Variants in PRMT3 observed in about 807,000 individuals in gnomAD.
PRMT3 encodes protein arginine N-methyltransferase 3.
In PRMT3, 62 loss-of-function variants were observed where a neutral mutation model predicts 71.9. The observed-to-expected ratio is 0.86, with a 90% CI of 0.70 to 1.07. The LOEUF (loss-of-function observed/expected upper bound fraction) is 1.07, where lower values mean the gene tolerates loss of function less well. Ranked by LOEUF, PRMT3 falls within the 50% of genes least tolerant of loss-of-function variation. The pLI, the probability that PRMT3 is intolerant of heterozygous loss-of-function variation, is 0.00. For missense variants in PRMT3, 663 were observed against 643.0 expected (o/e 1.03, Z -0.34); for synonymous variants, 213 against 220.4 (o/e 0.97, Z 0.30).
intron 15 of PRMT3, among the ~76,000 whole-genome samples, chr11:20,502,384 G>T (rs970031103): frequency 6.6e-6 from 1 of 152,160 alleles, no homozygotes; most frequent in Non-Finnish European, 1.5e-5. Context: ...AAATGATTGT[G>T]TGTGCACCCT....
intron 3 of PRMT3, 31 bp downstream of exon 3, chr11:20,389,857 A>G (rs1848673876): frequency 3.2e-6 from 5 of 1,551,408 alleles, no homozygotes; most frequent in Non-Finnish European, 4.4e-6. Context: ...AGGCAATTTA[A>G]TTTGTGAAAT....
chr11:20,483,092 A>G (rs1469188107), intron 13 of PRMT3, among the ~76,000 whole-genome samples: 3 of 152,046 alleles, frequency 2.0e-5, no homozygotes, highest in Non-Finnish European at 4.4e-5. Flanking sequence ...CGTCTGTTAA[A>G]TCGTTGTTTC....
At chr11:20,404,846 C>T (rs1042136690) in intron 8 of PRMT3, among the ~76,000 whole-genome samples, 6 of 152,008 alleles carry the variant, frequency 3.9e-5, no homozygotes, top group African/African-American at 1.2e-4. Flanking sequence ...GGTTTTATTA[C>T]GGTGAGAGCA....
intron 8 of PRMT3, among the ~76,000 whole-genome samples, chr11:20,403,199 T>C (rs1009454062): frequency 6.6e-6 from 1 of 152,230 alleles, no homozygotes; most frequent in Admixed American, 6.5e-5. Flanking sequence ...TTGAAAGTTA[T>C]TACAATGGCG....
At chr11:20,421,152 C>T (rs559282956) in intron 9 of PRMT3, among the ~76,000 whole-genome samples, 7 of 152,276 alleles carry the variant, frequency 4.6e-5, no homozygotes, top group Non-Finnish European at 4.4e-5. Context: ...GATCCTCCTA[C>T]CTTGCTTCTC....
chr11:20,499,826 G>A (rs7394653), intron 15 of PRMT3, among the ~76,000 whole-genome samples: 140,459 of 152,186 alleles, frequency 0.92, 65,394 homozygotes, highest in Non-Finnish European at 0.99. Flanking sequence ...CCTCCAGGAA[G>A]CACACTTTAA....
Position 20,479,232 on chromosome 11 carries a change from G to T in PRMT3, c.1347+14686G>T, listed in dbSNP as rs183121325. On this transcript the variant is annotated intron_variant, in intron 13 of 15. Transcript: ENST00000331079. ...CCTGAACCTTTGTAGCTGGGCTTAG[G>T]TGGTGGTGCGAACATTTAAATCTCT... is the stretch of plus-strand genomic sequence containing the variant. Among the ~76,000 whole-genome samples, 241 of 152,284 alleles carry T rather than the reference G, an allele frequency of 1.6e-3. 1 individual carries two copies. Among genetic ancestry groups the T allele is most frequent in the Middle Eastern group, 6.8e-3 (2 of 294 alleles).
intron 10 of PRMT3, among the ~76,000 whole-genome samples, chr11:20,438,957 G>A (rs950113731): frequency 2.0e-5 from 3 of 152,150 alleles, no homozygotes; most frequent in Non-Finnish European, 2.9e-5. Flanking sequence ...TTGACCCTAC[G>A]TGTAAGGGTG....
In PRMT3 at chr11:20,508,611, C is replaced by T. The variant is rs914764869; in HGVS notation, c.*198C>T. 10 of 680,732 alleles carry T rather than the reference C, an allele frequency of 1.5e-5. No individual in the cohort carries two copies. The African/African-American group carries it at 1.6e-4, about 11-fold the overall frequency. 42.2% of individuals were successfully genotyped at this position (680,732 alleles called of 1,614,324 possible). On this transcript the variant is annotated 3_prime_UTR_variant, in exon 16 of 16. Coordinates refer to ENST00000331079, the MANE Select transcript of PRMT3 (RefSeq NM_005788.4). ...AAGAGAATCAGCTGATCCTCATGGT[C>T]TGCCACGTAATCATTTTCTTAGACG...
intron 15 of PRMT3, among the ~76,000 whole-genome samples, chr11:20,504,707 T>TGTGTGAGAGA (rs1332372470): frequency 1.8e-3 from 237 of 133,636 alleles, no homozygotes; most frequent in Non-Finnish European, 3.0e-3. Flanking sequence ...TGTGTGTGTG[T>TGTGTGAGAGA]GAGAGAGAGA....
chr11:20,479,716 A>G (rs1316640186), intron 13 of PRMT3, among the ~76,000 whole-genome samples: 2 of 152,188 alleles, frequency 1.3e-5, no homozygotes, highest in African/African-American at 4.8e-5. Flanking sequence ...CCTAAGAGTG[A>G]CGAGGCAAAA....
chr11:20,489,593 C>T (rs1393753020), intron 13 of PRMT3, among the ~76,000 whole-genome samples: 1 of 151,866 alleles, frequency 6.6e-6, no homozygotes. Flanking sequence ...AGCAAGGTGG[C>T]CAAACTGTAA....
chr11:20,461,337 C>G (rs1301542320), intron 11 of PRMT3, among the ~76,000 whole-genome samples: 1 of 152,134 alleles, frequency 6.6e-6, no homozygotes, highest in East Asian at 1.9e-4. Flanking sequence ...GCCATGAGCT[C>G]CCTTAGTACC....
intron 15 of PRMT3, among the ~76,000 whole-genome samples, chr11:20,503,931 A>G (rs750988847): frequency 6.6e-6 from 1 of 152,208 alleles, no homozygotes; most frequent in African/African-American, 2.4e-5. Context: ...TATGCTATCT[A>G]ACATCCCTAG....
intron 7 of PRMT3, among the ~76,000 whole-genome samples, chr11:20,402,206 G>A (rs1046972129): frequency 6.6e-5 from 10 of 151,792 alleles, no homozygotes; most frequent in Admixed American, 3.9e-4. Flanking sequence ...CGCAACCTCC[G>A]CCTCCCGGGT....
chr11:20,400,878 A>T (rs7480098), intron 7 of PRMT3, among the ~76,000 whole-genome samples: 137,756 of 152,066 alleles, frequency 0.91, 63,268 homozygotes, highest in Non-Finnish European at 0.99. Flanking sequence ...TTTATTGTTG[A>T]TTTGTATTGA....
At chr11:20,424,669 T>G (rs1349989241) in intron 9 of PRMT3, among the ~76,000 whole-genome samples, 1 of 152,198 alleles carries the variant, frequency 6.6e-6, no homozygotes, top group Non-Finnish European at 1.5e-5. Context: ...AAAAAAATGA[T>G]AAGTTGTTCT....
chr11:20,466,489 C>A (rs183816849), intron 13 of PRMT3, among the ~76,000 whole-genome samples: 17 of 152,270 alleles, frequency 1.1e-4, no homozygotes, highest in African/African-American at 2.6e-4. Context: ...GTTCTCCTTC[C>A]AAATCTTCAT....
At chr11:20,507,810 TA>T (rs1565245182) in intron 15 of PRMT3, among the ~76,000 whole-genome samples, 4 of 149,436 alleles carry the variant, frequency 2.7e-5, no homozygotes, top group African/African-American at 9.9e-5. Flanking sequence ...AATGCTGCTC[TA>T]AAAAATGAAT....
Sources: gnomAD v4.1 joint callset for allele counts (sites outside exome capture counted in the v4.1 genomes callset) on GRCh38, gnomAD v4.1.1 for gene constraint, MANE v1.5 for transcripts, NCBI Gene and HGNC (gene_info 2026-07-23, HGNC 2026-07-21) for gene names.